RABGAP1L: variants seen among roughly 807,000 people sequenced by gnomAD.
RABGAP1L encodes the protein rab GTPase-activating protein 1-like.
A neutral mutation model predicts 137.7 loss-of-function variants in RABGAP1L; 63 were observed. The observed-to-expected ratio is 0.46, with a 90% CI of 0.37 to 0.56. The LOEUF (loss-of-function observed/expected upper bound fraction) is 0.56, where lower values mean the gene tolerates loss of function less well. Ranked by LOEUF, RABGAP1L falls within the 20% of genes least tolerant of loss-of-function variation. The pLI, the probability that RABGAP1L is intolerant of heterozygous loss-of-function variation, is 0.00. For synonymous variants in RABGAP1L, 431 were observed against 433.7 expected, an observed-to-expected ratio of 0.99 and a Z score of 0.08; for missense variants, 1,095 against 1,244.0, an observed-to-expected ratio of 0.88 and a Z score of 1.80.
intron 13 of RABGAP1L, among the ~76,000 whole-genome samples, chr1:174,450,854 A>C (rs565140509): frequency 6.6e-6 from 1 of 152,200 alleles, no homozygotes; most frequent in Non-Finnish European, 1.5e-5. Flanking sequence ...AATGCATTTA[A>C]TAAAATGTGC....
At chr1:174,813,756 G>A (rs1157215058) in intron 19 of RABGAP1L, among the ~76,000 whole-genome samples, 1 of 152,222 alleles carries the variant, frequency 6.6e-6, no homozygotes, top group African/African-American at 2.4e-5. Context: ...AACTTTGAAA[G>A]TATACTCTAG....
intron 13 of RABGAP1L, chr1:174,545,455 G>A (rs556822755): frequency 6.6e-6 from 1 of 152,462 alleles, no homozygotes; most frequent in African/African-American, 2.4e-5. Context: ...CATTGGAAAA[G>A]CGCAGTATTA....
intron 11 of RABGAP1L, among the ~76,000 whole-genome samples, chr1:174,321,637 TA>T (rs1680001927): frequency 6.6e-6 from 1 of 152,184 alleles, no homozygotes; most frequent in Non-Finnish European, 1.5e-5. Flanking sequence ...TTGGCAAATA[TA>T]TGCTCCCATT....
chr1:174,249,162 A>G lies in RABGAP1L; in HGVS notation c.718-1313A>G, dbSNP rs148902683. Among the ~76,000 whole-genome samples the G allele has an allele frequency of 5.0e-3, 761 of 152,260 alleles. 6 individuals are homozygous for G. Among genetic ancestry groups the G allele is most frequent in the African/African-American group, 0.016 (658 of 41,548 alleles). ...ATATATATGTATATATGTATGTATA[A>G]AAGTAGTCACTAGAGTGGCCTAATA... On this transcript the variant is annotated intron_variant, in intron 5 of 25. Coordinates refer to ENST00000681986, the MANE Select transcript of RABGAP1L (RefSeq NM_001366446.1).
intron 12 of RABGAP1L, among the ~76,000 whole-genome samples, chr1:174,384,301 G>A (rs1310522646): frequency 6.6e-6 from 1 of 152,180 alleles, no homozygotes; most frequent in Admixed American, 6.5e-5. Context: ...GGGAATTTGG[G>A]TATGGGGGGA....
At chr1:174,835,383 A>T (rs923912621) in intron 19 of RABGAP1L, among the ~76,000 whole-genome samples, 2 of 152,242 alleles carry the variant, frequency 1.3e-5, no homozygotes, top group Non-Finnish European at 2.9e-5. Context: ...GGATGTAATG[A>T]TAATGAAAAT....
chr1:174,403,208 AGTGTGTGTGTGTGTGT>A (rs201238291), intron 13 of RABGAP1L, among the ~76,000 whole-genome samples: 6 of 126,730 alleles, frequency 4.7e-5, no homozygotes, highest in East Asian at 2.2e-4. Context: ...TATATATGAG[AGTGTGTGTGTGTGTGT>A]GTGTGTGTGT....
At chr1:174,407,032 T>G (rs2149118542) in intron 13 of RABGAP1L, among the ~76,000 whole-genome samples, 1 of 152,354 alleles carries the variant, frequency 6.6e-6, no homozygotes, top group African/African-American at 2.4e-5. Flanking sequence ...TAATATGGTG[T>G]GGTGAGTTCT....
chr1:174,642,448 T>A (rs1355339117), intron 14 of RABGAP1L, among the ~76,000 whole-genome samples: 1 of 152,196 alleles, frequency 6.6e-6, no homozygotes, highest in African/African-American at 2.4e-5. Flanking sequence ...CATGTAATCA[T>A]ACATTATTTA....
chr1:174,306,098 C>T (rs1678214258), intron 11 of RABGAP1L, among the ~76,000 whole-genome samples: 1 of 152,164 alleles, frequency 6.6e-6, no homozygotes, highest in Non-Finnish European at 1.5e-5. Flanking sequence ...ATGAACTCAT[C>T]ATTTTTTATG....
At chr1:174,872,699 C>A (rs1413679774) in intron 19 of RABGAP1L, among the ~76,000 whole-genome samples, 1 of 151,920 alleles carries the variant, frequency 6.6e-6, no homozygotes, top group Non-Finnish European at 1.5e-5. Context: ...TGCTACCATG[C>A]CTGGCTGATT....
chr1:174,925,534 A>C (rs1319622110), intron 19 of RABGAP1L, among the ~76,000 whole-genome samples: 1 of 152,020 alleles, frequency 6.6e-6, no homozygotes, highest in Non-Finnish European at 1.5e-5. Context: ...AAAGCGAGCC[A>C]GGTAGGGGAG....
At chr1:174,221,273 C>A in intron 3 of RABGAP1L, 109 bp downstream of exon 3, 1 of 897,392 alleles carries the variant, frequency 1.1e-6, no homozygotes, top group Non-Finnish European at 1.6e-6. Context: ...GCTTTCAGTT[C>A]TTGTTGAGAG....
intron 1 of RABGAP1L, among the ~76,000 whole-genome samples, chr1:174,164,467 G>A (rs1356655392): frequency 6.6e-6 from 1 of 152,196 alleles, no homozygotes; most frequent in Admixed American, 6.6e-5. Context: ...CACACACAAA[G>A]TTGAAAGTTT....
intron 11 of RABGAP1L, among the ~76,000 whole-genome samples, chr1:174,349,430 G>C (rs1156279236): frequency 8.0e-6 from 1 of 125,206 alleles, no homozygotes; most frequent in African/African-American, 3.0e-5. Flanking sequence ...CCTCCCTCCC[G>C]GACGAGGCGG....
chr1:174,540,346 T>G (rs549875871), intron 13 of RABGAP1L, among the ~76,000 whole-genome samples: 1 of 152,310 alleles, frequency 6.6e-6, no homozygotes, highest in African/African-American at 2.4e-5. Flanking sequence ...GTTTTTGGTG[T>G]TTTAGTCATG....
chr1:174,208,111 CTAAG>C (rs1475545752), intron 1 of RABGAP1L, among the ~76,000 whole-genome samples: 1 of 151,894 alleles, frequency 6.6e-6, no homozygotes, highest in Non-Finnish European at 1.5e-5. Context: ...AGATTTATAC[CTAAG>C]TATTTCAATT....
chr1:174,175,451 A>C (rs1355722792), intron 1 of RABGAP1L, among the ~76,000 whole-genome samples: 1 of 150,458 alleles, frequency 6.6e-6, no homozygotes, highest in Non-Finnish European at 1.5e-5. Context: ...ATTGTATTGC[A>C]ACTTGCCTGT....
intron 18 of RABGAP1L, among the ~76,000 whole-genome samples, chr1:174,786,468 A>G (rs1476457463): frequency 6.6e-6 from 1 of 152,190 alleles, no homozygotes; most frequent in Non-Finnish European, 1.5e-5. Flanking sequence ...ACGGAAGCCA[A>G]TAACTTCTGA....
Sources: allele counts gnomAD v4.1 joint callset (sites outside exome capture counted in the v4.1 genomes callset), GRCh38; gene constraint gnomAD v4.1.1; transcripts MANE v1.5; gene names NCBI Gene and HGNC (gene_info 2026-07-23, HGNC 2026-07-21).